Variants in H2BC18 observed in about 807,000 individuals in gnomAD.
H2BC18 encodes the protein H2B clustered histone 18, also known as histone H2B type 2-F.
Under a neutral mutation model 6.3 loss-of-function variants are expected in H2BC18, and 8 were observed. The observed-to-expected ratio is 1.28, with a 90% confidence interval of 0.75 to 2.31. The LOEUF (loss-of-function observed/expected upper bound fraction) is 2.31. Ranked by LOEUF, H2BC18 falls within the 30% of genes most tolerant of loss-of-function variation. The pLI is 0.00. For missense variants in H2BC18, 106 were observed against 174.5 expected, an observed-to-expected ratio of 0.61 and a Z score of 2.21; for synonymous variants, 104 against 78.1, an observed-to-expected ratio of 1.33 and a Z score of -1.75.
At chr1:149,787,009 G>A (rs587746084) in intron 1 of H2BC18, 1 of 152,266 alleles carries the variant, frequency 6.6e-6, no homozygotes, top group East Asian at 1.9e-4. Context: ...TATTAATTGT[G>A]TCATTCAAAT....
At chr1:149,792,624 C>G (rs587631127) in intron 1 of H2BC18, 1 of 1,250,058 alleles carries the variant, frequency 8.0e-7, no homozygotes, top group Non-Finnish European at 1.0e-6. Context: ...ACACTGTGGC[C>G]GCATGTGCAT....
intron 1 of H2BC18, among the ~76,000 whole-genome samples, chr1:149,784,787 C>T (rs1553750645): frequency 6.6e-6 from 1 of 150,862 alleles, no homozygotes; most frequent in Non-Finnish European, 1.5e-5. Flanking sequence ...CTATATCTTA[C>T]TTTTATCACT....
intron 1 of H2BC18, among the ~76,000 whole-genome samples, chr1:149,796,960 T>G (rs2091807003): frequency 6.6e-6 from 1 of 152,244 alleles, no homozygotes; most frequent in Admixed American, 6.5e-5. Flanking sequence ...TCACCCAGGC[T>G]GGAGTGCAGT....
At chr1:149,793,209 T>C (rs3106118) in intron 1 of H2BC18, 39 of 1,273,952 alleles carry the variant, frequency 3.1e-5, no homozygotes, top group East Asian at 1.3e-4. Context: ...GGCGCCCCAT[T>C]TTCTTGGCTT....
chr1:149,790,269 T>C (rs782520142), intron 1 of H2BC18: 79 of 1,595,262 alleles, frequency 5.0e-5, no homozygotes, highest in Non-Finnish European at 6.7e-5. Context: ...TGGGTTATAC[T>C]GGTGCGAGGC....
At chr1:149,796,142 T>G (rs1419689607) in intron 1 of H2BC18, among the ~76,000 whole-genome samples, 1 of 149,806 alleles carries the variant, frequency 6.7e-6, no homozygotes, top group Non-Finnish European at 1.5e-5. Context: ...GGGTCAAAAC[T>G]TCCATGAGGG....
chr1:149,788,349 G>T, intron 1 of H2BC18: 1 of 1,612,056 alleles, frequency 6.2e-7, no homozygotes, highest in Non-Finnish European at 8.5e-7. Context: ...CATACATTTT[G>T]GGTTCATATT....
At chr1:149,807,471 G>A (rs1443351446), downstream of H2BC18, among the ~76,000 whole-genome samples, 11 of 135,864 alleles carry the variant, frequency 8.1e-5, no homozygotes, top group Non-Finnish European at 1.4e-4. Flanking sequence ...CAGACTGGGT[G>A]ACAGAGCAAG....
chr1:149,806,962 A>T (rs1194228560), downstream of H2BC18, among the ~76,000 whole-genome samples: 1 of 152,060 alleles, frequency 6.6e-6, no homozygotes, highest in Non-Finnish European at 1.5e-5. Context: ...TATGGGAATG[A>T]TATGATCTGA....
chr1:149,804,861 G>A (rs1193007076), intron 1 of H2BC18, among the ~76,000 whole-genome samples: 7 of 151,494 alleles, frequency 4.6e-5, no homozygotes, highest in Non-Finnish European at 7.4e-5. Flanking sequence ...GATGTTCATC[G>A]CCACTACAGG....
chr1:149,788,584 T>C, intron 1 of H2BC18: 4 of 1,614,002 alleles, frequency 2.5e-6, no homozygotes, highest in Non-Finnish European at 3.4e-6. Flanking sequence ...AAAGCATCGC[T>C]ACACATCAGC....
intron 1 of H2BC18, among the ~76,000 whole-genome samples, chr1:149,799,576 G>C (rs1185690449): frequency 6.6e-6 from 1 of 152,090 alleles, no homozygotes; most frequent in Non-Finnish European, 1.5e-5. Context: ...CTATTCAAAT[G>C]ACAGCCCCTG....
At chr1:149,800,224 A>G (rs2091851614) in intron 1 of H2BC18, among the ~76,000 whole-genome samples, 1 of 152,228 alleles carries the variant, frequency 6.6e-6, no homozygotes, top group Non-Finnish European at 1.5e-5. Flanking sequence ...TGGAGCTTCC[A>G]TGCACCTCCA....
intron 1 of H2BC18, among the ~76,000 whole-genome samples, chr1:149,793,444 A>G (rs1477024847): frequency 9.2e-5 from 14 of 152,038 alleles, no homozygotes; most frequent in African/African-American, 2.7e-4. Flanking sequence ...AGCTTCACCC[A>G]CAAGGGCCCA....
At chr1:149,807,932 G>C (rs1559755917), downstream of H2BC18, among the ~76,000 whole-genome samples, 1 of 152,230 alleles carries the variant, frequency 6.6e-6, no homozygotes, top group Non-Finnish European at 1.5e-5. Context: ...TGTAAACTGA[G>C]TATGATGTGC....
chr1:149,792,418 A>G lies in H2BC18; in HGVS notation c.378-9158T>C, dbSNP rs1187808694. 3.2e-5 allele frequency: 23 copies of G among 729,442 alleles called. No individual in the cohort carries two copies. In the Admixed American group the frequency reaches 4.7e-4, roughly 15 times the overall value. 45.2% of individuals were successfully genotyped at this position (729,442 alleles called of 1,614,324 possible). A position where few individuals can be genotyped will look rare whatever the true frequency, so the allele number is the denominator to read the frequency against. The stretch of plus-strand genomic sequence containing the variant: ...ACTTGGGCTGTAGTTTGGAGACAAA[A>G]TATTTTCCTGCCACTGTGTAACATA... On this transcript the variant is annotated intron_variant, in intron 1 of 1. Coordinates refer to the H2BC18 transcript ENST00000545683.
At chr1:149,785,384 TAGGGAAGCTGACAGAGCTGTTTCG>T (rs2091513742) in intron 1 of H2BC18, among the ~76,000 whole-genome samples, 1 of 146,052 alleles carries the variant, frequency 6.8e-6, no homozygotes. Context: ...ATGGAGAGGT[TAGGGAAGCTGACAGAGCTGTTTCG>T]TTTTTTTTTT....
intron 1 of H2BC18, among the ~76,000 whole-genome samples, chr1:149,799,791 T>C (rs1270394421): frequency 6.6e-6 from 1 of 152,208 alleles, no homozygotes; most frequent in Non-Finnish European, 1.5e-5. Flanking sequence ...TTCTGGCTTA[T>C]CTTGATCATC....
chr1:149,812,201 G>C lies in H2BC18; in HGVS notation c.123C>G (p.Tyr41Ter), dbSNP rs137884388. The C allele has an allele frequency of 2.5e-6, 4 of 1,614,170 alleles. No individual in the cohort carries two copies. The African/African-American group carries it at 5.3e-5, about 22-fold the overall frequency. ...GGACCTGCTTCAGCACCTTGTACAC[G>C]TAAACGGAGTAGCTCTCCTTGCGGC... is the stretch of plus-strand genomic sequence containing the variant. ...KRSRKESYSVYVYKVLKQVHP... is the reference protein window; with the variant it reads ...KRSRKESYSV The change falls in exon 1 of 1, where the codon TAC (tyrosine) becomes TAG (stop). Residue 41 changes from tyrosine (Y) to a stop codon, truncating the protein, a stop_gained. Transcript: ENST00000369167. LOFTEE classifies it high-confidence loss of function.
Sources: allele counts gnomAD v4.1 joint callset (sites outside exome capture counted in the v4.1 genomes callset), GRCh38; gene constraint gnomAD v4.1.1; transcripts MANE v1.5; gene names NCBI Gene and HGNC (gene_info 2026-07-23, HGNC 2026-07-21).